The following DLG1 variants were observed in gnomAD, a reference collection of about 807,000 sequenced individuals.
DLG1 encodes discs large MAGUK scaffold protein 1.
DLG1 carries 42 observed loss-of-function variants against 123.4 expected under a neutral mutation model. The ratio of observed to expected loss-of-function variants is 0.34; its 90% confidence interval spans 0.27 to 0.44. The LOEUF (loss-of-function observed/expected upper bound fraction) is 0.44. DLG1 is among the 20% of genes least tolerant of loss of function. The pLI, the probability that DLG1 is intolerant of heterozygous loss-of-function variation, is 1.00. For synonymous variants in DLG1, 317 were observed against 356.2 expected (o/e 0.89, Z 1.24); for missense variants, 942 against 1,082.6 (o/e 0.87, Z 1.82).
intron 4 of DLG1, among the ~76,000 whole-genome samples, chr3:197,222,912 CA>C (rs1324988273): frequency 6.6e-6 from 1 of 152,044 alleles, no homozygotes; most frequent in Non-Finnish European, 1.5e-5. Flanking sequence ...CTTGATACTA[CA>C]AAAAAACAAA....
intron 3 of DLG1, among the ~76,000 whole-genome samples, chr3:197,286,620 T>C (rs990089218): frequency 3.3e-5 from 5 of 152,102 alleles, no homozygotes; most frequent in Non-Finnish European, 4.4e-5. Flanking sequence ...AAGCAAAAAA[T>C]GTGCACATCA....
intron 10 of DLG1, among the ~76,000 whole-genome samples, chr3:197,133,721 T>C (rs550018562): frequency 6.6e-5 from 10 of 152,266 alleles, no homozygotes; most frequent in Admixed American, 3.9e-4. Context: ...ATTACTTCAA[T>C]GTTTAGAGGT....
At chr3:197,177,392 A>G (rs1254505849) in intron 5 of DLG1, among the ~76,000 whole-genome samples, 1 of 152,202 alleles carries the variant, frequency 6.6e-6, no homozygotes, top group African/African-American at 2.4e-5. Flanking sequence ...TACCTACCCT[A>G]TACGTAGTCT....
At chr3:197,168,657 T>C (rs964651244) in intron 5 of DLG1, among the ~76,000 whole-genome samples, 5 of 152,232 alleles carry the variant, frequency 3.3e-5, no homozygotes, top group African/African-American at 1.2e-4. Flanking sequence ...ATTTTAAACT[T>C]GAAAAATCTT....
intron 13 of DLG1, among the ~76,000 whole-genome samples, chr3:197,109,761 C>T (rs1768751403): frequency 3.9e-5 from 6 of 152,142 alleles, no homozygotes; most frequent in Admixed American, 2.6e-4. Flanking sequence ...GATAGTTTTG[C>T]TGGATATAGA....
intron 4 of DLG1, among the ~76,000 whole-genome samples, chr3:197,247,984 A>G (rs1178430760): frequency 6.6e-6 from 1 of 152,112 alleles, no homozygotes; most frequent in Non-Finnish European, 1.5e-5. Flanking sequence ...CAGGTTCAGT[A>G]TAAGCCTTTG....
At chr3:197,248,977 G>A (rs889173728) in intron 4 of DLG1, among the ~76,000 whole-genome samples, 1 of 152,002 alleles carries the variant, frequency 6.6e-6, no homozygotes, top group Non-Finnish European at 1.5e-5. Flanking sequence ...GCAAGACTAT[G>A]TCTCAAAAAA....
intron 4 of DLG1, among the ~76,000 whole-genome samples, chr3:197,255,008 A>G (rs1016821536): frequency 2.6e-5 from 4 of 152,164 alleles, no homozygotes; most frequent in Non-Finnish European, 4.4e-5. Context: ...GTGAGCCGAG[A>G]TCACGCTACT....
intron 4 of DLG1, among the ~76,000 whole-genome samples, chr3:197,206,353 G>A (rs1353225868): frequency 6.6e-6 from 1 of 152,138 alleles, no homozygotes; most frequent in Non-Finnish European, 1.5e-5. Context: ...AGGCTGGAGT[G>A]CAGTGGCGTG....
rs1317434987 is a variant in DLG1, at chr3:197,065,774, T to C, written c.2134A>G (p.Met712Val). The change falls in exon 21 of 25, where the codon ATG becomes GTG. Residue 712 changes from methionine (M) to valine (V), a missense_variant. Physicochemically the swap from Met to Val is conservative, Grantham distance 21. Coordinates refer to ENST00000667157, the MANE Select transcript of DLG1 (RefSeq NM_001366207.1). ...YTRPVIILGP[M>V]KDRINDDLIS... ...AAGTCATCATTTATCCTGTCTTTCATAGGTCCCAATATGATCACTGGTCGA... is the reference window on the plus strand; with the variant it reads ...AAGTCATCATTTATCCTGTCTTTCACAGGTCCCAATATGATCACTGGTCGA... 23 of 1,610,162 alleles carry C rather than the reference T, an allele frequency of 1.4e-5. No individual in the cohort carries two copies. The highest frequency in any genetic ancestry group is 1.9e-5 in the Non-Finnish European group (22 of 1,177,316).
intron 6 of DLG1, among the ~76,000 whole-genome samples, chr3:197,145,637 T>C (rs186813385): frequency 7.7e-4 from 118 of 152,350 alleles, no homozygotes; most frequent in Non-Finnish European, 1.4e-3. Context: ...ACTGTGACCT[T>C]ATGATTTCTG....
intron 3 of DLG1, among the ~76,000 whole-genome samples, chr3:197,285,215 G>A (rs1771277038): frequency 6.6e-6 from 1 of 152,058 alleles, no homozygotes. Flanking sequence ...AAGGGGGTGA[G>A]GAATGGGAGA....
intron 4 of DLG1, among the ~76,000 whole-genome samples, chr3:197,276,623 A>G (rs1312586712): frequency 1.3e-5 from 2 of 152,164 alleles, no homozygotes; most frequent in African/African-American, 4.8e-5. Flanking sequence ...AGTTTCTATA[A>G]GAAGTTTCTT....
intron 14 of DLG1, among the ~76,000 whole-genome samples, chr3:197,093,557 T>C (rs1758952142): frequency 9.6e-6 from 1 of 104,306 alleles, no homozygotes; most frequent in Non-Finnish European, 2.1e-5. Flanking sequence ...AAAGATGTCA[T>C]CCACGCTTTT....
chr3:197,243,863 C>T (rs938873171), intron 4 of DLG1, among the ~76,000 whole-genome samples: 1 of 152,080 alleles, frequency 6.6e-6, no homozygotes, highest in African/African-American at 2.4e-5. Context: ...ACTCCAACGG[C>T]GTCTATATAA....
rs1273987936 is a variant in DLG1 at position 197,043,865 on chromosome 3, C to T, written c.*758G>A. 2 of 151,978 alleles carry T rather than the reference C, an allele frequency of 1.3e-5. No individual in the cohort carries two copies. The highest frequency in any genetic ancestry group is 2.4e-5 in the African/African-American group (1 of 41,388). The allele number at this position is 151,978 out of a possible 1,614,324, so 9.4% of individuals were successfully genotyped here. Reference sequence around the variant, plus strand: ...TTTTCTCAATCTTCTGTGTAAAAGGCGAACTTCCTTAGCACCTGAACATGG... The same window carrying T: ...TTTTCTCAATCTTCTGTGTAAAAGGTGAACTTCCTTAGCACCTGAACATGG... On this transcript the variant is annotated 3_prime_UTR_variant, in exon 25 of 25. Transcript: ENST00000667157.
chr3:197,066,133 G>GT (rs1739381058), intron 20 of DLG1, among the ~76,000 whole-genome samples: 1 of 152,188 alleles, frequency 6.6e-6, no homozygotes, highest in African/African-American at 2.4e-5. Context: ...AGTAGAAATT[G>GT]TAAGGAAGCA....
At position 197,044,577 on chromosome 3, in the gene DLG1, A is replaced by G; in HGVS notation, c.*46T>C. ...CCAGAGGAAAGGGCAAAGAGATGCC[A>G]AAGAAAATGGAATTGTGGAAAAGAG... On this transcript the variant is annotated 3_prime_UTR_variant, in exon 25 of 25. Transcript: ENST00000667157. 1 of 1,402,094 alleles carries G rather than the reference A, an allele frequency of 7.1e-7. No individual in the cohort carries two copies. The highest frequency in any genetic ancestry group is 1.0e-6 in the Non-Finnish European group (1 of 994,648). The allele number at this position is 1,402,094 out of a possible 1,614,324, so 86.9% of individuals were successfully genotyped here. A position where few individuals can be genotyped will look rare whatever the true frequency, so the allele number is the denominator to read the frequency against.
At chr3:197,269,180 G>A (rs1762929141) in intron 4 of DLG1, among the ~76,000 whole-genome samples, 2 of 152,164 alleles carry the variant, frequency 1.3e-5, no homozygotes, top group Non-Finnish European at 2.9e-5. Context: ...CAAGTATTAT[G>A]TACTGTACCT....
Sources: allele counts gnomAD v4.1 joint callset (sites outside exome capture counted in the v4.1 genomes callset), GRCh38; gene constraint gnomAD v4.1.1; transcripts MANE v1.5; gene names NCBI Gene and HGNC (gene_info 2026-07-23, HGNC 2026-07-21).